Variants in ARL11 observed in about 807,000 individuals in gnomAD.
The protein encoded by ARL11 is ARF like GTPase 11, also known as ADP-ribosylation factor-like protein 11.
For synonymous variants in ARL11, 91 were observed against 111.2 expected (o/e 0.82, Z 1.15); for missense variants, 239 against 250.6 (o/e 0.95, Z 0.31).
intron 1 of ARL11, among the ~76,000 whole-genome samples, chr13:49,629,698 G>C (rs1163591989): frequency 1.3e-5 from 2 of 152,192 alleles, no homozygotes; most frequent in Non-Finnish European, 2.9e-5. Context: ...ATCCACGTTT[G>C]TGTAATTACA....
rs191040016 is a variant in ARL11, at chr13:49,631,361, C to T, written c.*323C>T. ...TAGAGGTTGCAGTGAGCCAAGATCG[C>T]GCCACTGCACTCCAGTCTGGGCAAC... On this transcript the variant is annotated 3_prime_UTR_variant, in exon 2 of 2. Transcript: ENST00000282026. 9.1e-3 allele frequency: 1,829 copies of T among 201,484 alleles called. 12 individuals are homozygous for T. The highest frequency in any genetic ancestry group is 0.011 in the Non-Finnish European group (1,018 of 89,844). The allele number at this position is 201,484 out of a possible 1,614,324, so 12.5% of individuals were successfully genotyped here.
chr13:49,629,706 A>G (rs1964861766), intron 1 of ARL11, among the ~76,000 whole-genome samples: 1 of 152,242 alleles, frequency 6.6e-6, no homozygotes, highest in Non-Finnish European at 1.5e-5. Flanking sequence ...TTGTGTAATT[A>G]CAATCTATGA....
At chr13:49,630,383 C>T (rs1964868983) in intron 1 of ARL11, 47 bp from the exon 2 acceptor site, 1 of 1,351,820 alleles carries the variant, frequency 7.4e-7, no homozygotes, top group Non-Finnish European at 1.0e-6. Context: ...GATTTGTCTT[C>T]CTTCAGAAGA....
In ARL11 at chr13:49,630,912, T is replaced by G. The variant is rs1286667760; in HGVS notation, c.465T>G (p.Ser155Arg). The G allele has an allele frequency of 6.3e-7, 1 of 1,597,558 alleles. No homozygotes were observed. Among genetic ancestry groups the G allele is most frequent in the African/African-American group, 1.3e-5 (1 of 74,568 alleles). Reference protein sequence around the residue: ...QDHCWELRGCSALTGEGLPEA... With the variant: ...QDHCWELRGCRALTGEGLPEA... ...ACTGCTGGGAGCTCCGGGGCTGCAG[T>G]GCCCTCACTGGGGAGGGGCTGCCCG... The change falls in exon 2 of 2, where the codon AGT (serine) becomes AGG (arginine). Residue 155 changes from serine (S) to arginine (R), a missense_variant. Physicochemically the swap from Ser to Arg is moderately radical, Grantham distance 110. Transcript: ENST00000282026.
intron 1 of ARL11, among the ~76,000 whole-genome samples, chr13:49,629,323 G>T (rs1964856946): frequency 6.6e-6 from 1 of 152,110 alleles, no homozygotes; most frequent in Admixed American, 6.5e-5. Context: ...AGCACATGTG[G>T]AGTGTTGTAG....
In ARL11 at chr13:49,631,295, C is replaced by G; in HGVS notation, c.*257C>G. The G allele has an allele frequency of 6.0e-6, 2 of 331,358 alleles. No homozygotes were observed. Among genetic ancestry groups the G allele is most frequent in the Non-Finnish European group, 5.8e-6 (1 of 172,276 alleles). The allele number at this position is 331,358 out of a possible 1,614,324, so 20.5% of individuals were successfully genotyped here. On this transcript the variant is annotated 3_prime_UTR_variant, in exon 2 of 2. Transcript: ENST00000282026. ...TGGCATGTGCCTGTAGTCCCAGCTA[C>G]TTGGGAGGCTGAGGCAGGAGAATCG... is the stretch of plus-strand genomic sequence containing the variant.
intron 1 of ARL11, 60 bp from the exon 2 acceptor site, chr13:49,630,370 A>G: frequency 8.3e-7 from 1 of 1,206,220 alleles, no homozygotes; most frequent in Non-Finnish European, 1.2e-6. Flanking sequence ...CTGCACCAGG[A>G]TGGATTTGTC....
At chr13:49,629,401 A>G (rs995784081) in intron 1 of ARL11, among the ~76,000 whole-genome samples, 6 of 152,208 alleles carry the variant, frequency 3.9e-5, no homozygotes, top group African/African-American at 1.4e-4. Flanking sequence ...TGCCCCCAGT[A>G]AACAGTATTT....
chr13:49,631,081 A>G lies in ARL11; in HGVS notation c.*43A>G. On this transcript the variant is annotated 3_prime_UTR_variant, in exon 2 of 2. Transcript: ENST00000282026. ...ATCTTTGCTCATACAAACTAGAAGAACCAGCTGATCCTTGAGAAATTTACG... is the reference window on the plus strand; with the variant it reads ...ATCTTTGCTCATACAAACTAGAAGAGCCAGCTGATCCTTGAGAAATTTACG... The G allele has an allele frequency of 6.8e-7, 1 of 1,471,588 alleles. No homozygotes were observed. 91.2% of individuals were successfully genotyped at this position (1,471,588 alleles called of 1,614,324 possible). A position where few individuals can be genotyped will look rare whatever the true frequency, so the allele number is the denominator to read the frequency against.
At chr13:49,630,184 G>GTT (rs1964866656) in intron 1 of ARL11, 1 of 390,334 alleles carries the variant, frequency 2.6e-6, no homozygotes, top group Non-Finnish European at 4.7e-6. Flanking sequence ...GACTTTTCCT[G>GTT]TTTTGGAAAA....
chr13:49,630,921 TG>T lies in ARL11; in HGVS notation c.478del (p.Glu160ArgfsTer14). The T allele has an allele frequency of 6.2e-7, 1 of 1,600,088 alleles. No homozygotes were observed. Among genetic ancestry groups the T allele is most frequent in the Non-Finnish European group, 8.5e-7 (1 of 1,171,086 alleles). On this transcript the variant is annotated frameshift_variant, in exon 2 of 2. Coordinates refer to ENST00000282026, the MANE Select transcript of ARL11 (RefSeq NM_138450.6). LOFTEE classifies it low-confidence loss of function (END_TRUNC). ...WELRGCSALTGEGLPEALQSL... is the reference protein window; with the variant it reads ...WELRGCSALTXEGLPEALQSL... ...AGCTCCGGGGCTGCAGTGCCCTCAC[TG>T]GGGAGGGGCTGCCCGAGGCCCTGCA... is the stretch of plus-strand genomic sequence containing the variant.
intron 1 of ARL11, among the ~76,000 whole-genome samples, chr13:49,629,659 T>C (rs1190370767): frequency 2.6e-5 from 4 of 152,202 alleles, no homozygotes; most frequent in Non-Finnish European, 5.9e-5. Context: ...GGCCATACCA[T>C]ATAGCCTAGG....
rs147389782 is a variant in ARL11 at position 49,630,512 on chromosome 13, C to A, written c.65C>A (p.Ser22Ter). Reference protein sequence around the residue: ...EAQVVMMGLDSAGKTTLLYKL... With the variant: ...EAQVVMMGLD ...CAGGTGGTGATGATGGGCCTGGACTCGGCGGGCAAGACCACGCTCCTTTAC... is the reference window on the plus strand; with the variant it reads ...CAGGTGGTGATGATGGGCCTGGACTAGGCGGGCAAGACCACGCTCCTTTAC... Residue 22 changes from serine (S) to a stop codon, truncating the protein, a stop_gained, in exon 2 of 2, where the codon TCG (serine) becomes TAG (stop). Transcript: ENST00000282026. LOFTEE classifies it low-confidence loss of function (END_TRUNC). The A allele has an allele frequency of 6.2e-7, 1 of 1,613,954 alleles. No homozygotes were observed. Among genetic ancestry groups the A allele is most frequent in the Non-Finnish European group, 8.5e-7 (1 of 1,180,022 alleles).
rs1964898247 is a variant in ARL11, at chr13:49,632,593, C to T, written c.*1555C>T. 6.0e-6 allele frequency: 1 copy of T among 167,082 alleles called. No individual in the cohort carries two copies. Among genetic ancestry groups the T allele is most frequent in the African/African-American group, 2.4e-5 (1 of 41,450 alleles). The allele number at this position is 167,082 out of a possible 1,614,324, so 10.3% of individuals were successfully genotyped here. On this transcript the variant is annotated 3_prime_UTR_variant, in exon 2 of 2. Coordinates refer to ENST00000282026, the MANE Select transcript of ARL11 (RefSeq NM_138450.6). Reference sequence around the variant, plus strand: ...GTATCCCTCATCCAACCCCAGAACACTTTCTGTAATCTGAGTTTTTTAATG... The same window carrying T: ...GTATCCCTCATCCAACCCCAGAACATTTTCTGTAATCTGAGTTTTTTAATG...
rs140526352 is a variant in ARL11, at chr13:49,630,974, G to A, written c.527G>A (p.Arg176His). 4.8e-5 allele frequency: 78 copies of A among 1,610,180 alleles called. No individual in the cohort carries two copies. The highest frequency in any genetic ancestry group is 6.4e-5 in the Non-Finnish European group (75 of 1,178,236). The change falls in exon 2 of 2, where the codon CGC becomes CAC. Residue 176 changes from arginine (R) to histidine (H), a missense_variant. Physicochemically the swap from Arg to His is conservative, Grantham distance 29. Coordinates refer to ENST00000282026, the MANE Select transcript of ARL11 (RefSeq NM_138450.6). ...AGCCTGTGGAGCCTCCTGAAATCTC[G>A]CAGCTGCATGTGTCTGCAGGCGAGA... ...LQSLWSLLKS[R>H]SCMCLQARAH...
In ARL11 at chr13:49,629,261, T is replaced by TCAAAA. The variant is rs575202695; in HGVS notation, c.-19+672_-19+676dup. On this transcript the variant is annotated intron_variant, in intron 1 of 1. Coordinates refer to ENST00000282026, the MANE Select transcript of ARL11 (RefSeq NM_138450.6). ...CTGGGCGACAGAGTGAGACCCTGTC[T>TCAAAA]CAAAACAAAACAAAACAAAACAAAA... is the stretch of plus-strand genomic sequence containing the variant. Among the ~76,000 whole-genome samples, 339 of 152,058 alleles carry TCAAAA rather than the reference T, an allele frequency of 2.2e-3. 2 individuals carry two copies. Among genetic ancestry groups the TCAAAA allele is most frequent in the Middle Eastern group, 0.02 (6 of 294 alleles).
At chr13:49,628,830 G>A (rs867322311) in intron 1 of ARL11, among the ~76,000 whole-genome samples, 9 of 152,326 alleles carry the variant, frequency 5.9e-5, no homozygotes, top group Non-Finnish European at 7.3e-5. Context: ...AGTGGCTCAC[G>A]CCTGTAATCC....
intron 1 of ARL11, 106 bp from the exon 2 acceptor site, chr13:49,630,324 G>T: frequency 1.3e-6 from 1 of 785,456 alleles, no homozygotes; most frequent in Non-Finnish European, 2.1e-6. Context: ...CTCCTGCCTT[G>T]GCCTCCCACA....
intron 1 of ARL11, 79 bp downstream of exon 1, chr13:49,628,694 T>A (rs1435713628): frequency 6.6e-6 from 1 of 152,290 alleles, no homozygotes; most frequent in East Asian, 1.9e-4. Context: ...GCAGCTCATA[T>A]CCCCCCACCC....
Sources: gnomAD v4.1 joint callset for allele counts (sites outside exome capture counted in the v4.1 genomes callset) on GRCh38, gnomAD v4.1.1 for gene constraint, MANE v1.5 for transcripts, NCBI Gene and HGNC (gene_info 2026-07-23, HGNC 2026-07-21) for gene names.